AURKA: variants seen among roughly 807,000 people sequenced by gnomAD.
AURKA encodes aurora 2.
AURKA carries 12 observed loss-of-function variants against 40.9 expected under a neutral mutation model. That is an observed-to-expected ratio of 0.29 (90% CI 0.19 to 0.48). AURKA has a LOEUF of 0.48. Ranked by LOEUF, AURKA falls within the 20% of genes least tolerant of loss-of-function variation. The probability of loss-of-function intolerance (pLI) is 0.99; values close to 1 mark genes in which losing one functional copy is unlikely to be tolerated. For missense variants in AURKA, 322 were observed against 462.1 expected (o/e 0.70, Z 2.78); for synonymous variants, 170 against 164.3 (o/e 1.03, Z -0.26).
chr20:56,387,725 C>T (rs927908479), intron 2 of AURKA, among the ~76,000 whole-genome samples: 2 of 152,182 alleles, frequency 1.3e-5, no homozygotes, highest in East Asian at 1.9e-4. Flanking sequence ...CTGTCCACAA[C>T]GCAGCAGGCA....
chr20:56,371,726 G>T (rs995305957), intron 7 of AURKA, among the ~76,000 whole-genome samples: 4 of 151,794 alleles, frequency 2.6e-5, no homozygotes, highest in African/African-American at 9.7e-5. Context: ...GTTGAGTTCT[G>T]ATTTTACAAA....
chr20:56,373,422 A>G lies in AURKA; in HGVS notation c.840T>C (p.His280=), dbSNP rs780155642. Residue 280 remains histidine, a synonymous_variant, in exon 7 of 9, where the codon CAT becomes CAC. Transcript: ENST00000395915. This position sits in a 1 kb window ranked among gnomAD's most constrained non-coding sequence, Gnocchi z 5.0. ...AAGTTACATACCTGGAAGATGGAGC[A>G]TGTACTGACCACCCAAAATCTGCAA... is the stretch of plus-strand genomic sequence containing the variant. The part of the protein sequence containing the change: ...LKIADFGWSV[H]APSSRRTTLC... 6.2e-7 allele frequency: 1 copy of G among 1,613,778 alleles called. No homozygotes were observed. Among genetic ancestry groups the G allele is most frequent in the Non-Finnish European group, 8.5e-7 (1 of 1,180,032 alleles).
At chr20:56,387,546 G>A (rs1390555091) in intron 2 of AURKA, among the ~76,000 whole-genome samples, 1 of 152,176 alleles carries the variant, frequency 6.6e-6, no homozygotes, top group East Asian at 1.9e-4. Flanking sequence ...ACTAAAAGGG[G>A]TAGGAGGGAT....
intron 2 of AURKA, 146 bp from the exon 3 acceptor site, chr20:56,386,679 G>C (rs1986422337): frequency 2.2e-6 from 2 of 895,484 alleles, no homozygotes; most frequent in Admixed American, 2.2e-5. Context: ...ATTTTAATCA[G>C]TACCTCCAGA....
chr20:56,390,991 AC>A (rs1308318035), intron 1 of AURKA, among the ~76,000 whole-genome samples: 7 of 152,130 alleles, frequency 4.6e-5, no homozygotes, highest in African/African-American at 1.7e-4. Flanking sequence ...AAATTGAATA[AC>A]AAGCAGAATG....
intron 4 of AURKA, 43 bp from the exon 5 acceptor site, chr20:56,383,219 CT>C: frequency 6.2e-7 from 1 of 1,602,016 alleles, no homozygotes; most frequent in Non-Finnish European, 8.5e-7. Context: ...GAAAACAAAG[CT>C]TTTCTAACAA....
rs1391619965 is a variant in AURKA, at chr20:56,386,513, A to C, written c.63T>G (p.Gly21=). The C allele has an allele frequency of 3.1e-6, 5 of 1,614,070 alleles. No homozygotes were observed. The highest frequency in any genetic ancestry group is 4.2e-6 in the Non-Finnish European group (5 of 1,180,038). ...GCTGAGTCACGAGAACACGTTTTGG[A>C]CCTCCAACTGGAGCTGTAGCCTAGA... is the stretch of plus-strand genomic sequence containing the variant. ...GPVKATAPVG[G]PKRVLVTQQF... The change falls in exon 3 of 9, where the codon GGT becomes GGG. Residue 21 remains glycine, a synonymous_variant. Coordinates refer to ENST00000395915, the MANE Select transcript of AURKA (RefSeq NM_198437.3).
intron 7 of AURKA, among the ~76,000 whole-genome samples, chr20:56,371,198 C>T (rs948898041): frequency 3.3e-5 from 5 of 152,122 alleles, no homozygotes; most frequent in South Asian, 2.1e-4. Context: ...TGCAGTGGCT[C>T]ATGCCTGTAA....
intron 2 of AURKA, 104 bp from the exon 3 acceptor site, chr20:56,386,637 T>C (rs576691592): frequency 2.3e-6 from 3 of 1,286,592 alleles, no homozygotes; most frequent in African/African-American, 1.5e-5. Flanking sequence ...AAATAATGAA[T>C]GTCACTGATA....
At chr20:56,384,361 A>G in intron 3 of AURKA, 37 bp from the exon 4 acceptor site, 1 of 1,466,540 alleles carries the variant, frequency 6.8e-7, no homozygotes, top group Non-Finnish European at 9.5e-7. Context: ...TTTTAGAATA[A>G]CTATATAGGA....
At chr20:56,388,641 G>A (rs113074601) in intron 1 of AURKA, 9 of 195,634 alleles carry the variant, frequency 4.6e-5, no homozygotes, top group South Asian at 1.1e-4. Flanking sequence ...GTGAAACCCC[G>A]TCTCTACTAA....
At chr20:56,388,807 C>A (rs114438141) in intron 1 of AURKA, 1 of 153,744 alleles carries the variant, frequency 6.5e-6, no homozygotes, top group Non-Finnish European at 1.4e-5. Flanking sequence ...AGCGAGACTT[C>A]GTCTCAAAAC....
Position 56,370,177 on chromosome 20 carries a change from G to A in AURKA, c.1193C>T (p.Ser398Leu), listed in dbSNP as rs775906971. Residue 398 changes from serine to leucine, a missense_variant, in exon 9 of 9, where the codon TCA becomes TTA. Ser to Leu is a moderately radical substitution (Grantham distance 145). Transcript: ENST00000395915. ...CGATTCCTAAGACTGTTTGCTAGCT[G>A]ATTCTTTGTTTTGGCAATTTGATGG... is the stretch of plus-strand genomic sequence containing the variant. ...SKPSNCQNKE[S>L]ASKQS The A allele has an allele frequency of 1.2e-6, 2 of 1,612,914 alleles. No individual in the cohort carries two copies. The highest frequency in any genetic ancestry group is 1.7e-6 in the Non-Finnish European group (2 of 1,180,010).
At chr20:56,385,039 CAATT>C (rs1288017966) in intron 3 of AURKA, among the ~76,000 whole-genome samples, 5 of 152,200 alleles carry the variant, frequency 3.3e-5, no homozygotes, top group African/African-American at 1.2e-4. Flanking sequence ...GACACTCACT[CAATT>C]AATATCAATC....
At position 56,381,453 on chromosome 20, in the gene AURKA, C is replaced by A; in HGVS notation, c.685G>T (p.Asp229Tyr). 1.2e-6 allele frequency: 2 copies of A among 1,613,280 alleles called. No individual in the cohort carries two copies. Among genetic ancestry groups the A allele is most frequent in the South Asian group, 2.2e-5 (2 of 91,022 alleles). The change falls in exon 6 of 9, where the codon GAT becomes TAT. Residue 229 changes from aspartate to tyrosine, a missense_variant. Transcript: ENST00000395915. ...CTTACAGTAGCAGTTCTCTGCTCAT[C>A]AAACTTTGAAAGTTTCTGAAGTTCT... is the stretch of plus-strand genomic sequence containing the variant. ...YRELQKLSKF[D>Y]EQRTATYITE...
intron 7 of AURKA, among the ~76,000 whole-genome samples, chr20:56,371,638 A>C (rs1179629025): frequency 1.3e-5 from 2 of 148,374 alleles, no homozygotes; most frequent in African/African-American, 2.6e-5. Context: ...AACCACAGAG[A>C]CAGTCCAACC....
Position 56,381,659 on chromosome 20 carries a change from C to T in AURKA, c.567-88G>A, listed in dbSNP as rs1454806118. ...TGTCAAACAAACTCTTCATGTAAAA[C>T]CAGTGGTGTTTCACATGAAACCACA... On this transcript the variant is annotated intron_variant, in intron 5 of 8. Transcript: ENST00000395915. The T allele has an allele frequency of 3.9e-6, 6 of 1,541,408 alleles. No individual in the cohort carries two copies. The East Asian group carries it at 6.8e-5, about 18-fold the overall frequency.
chr20:56,384,892 CAT>C (rs1464617634), intron 3 of AURKA, among the ~76,000 whole-genome samples: 1 of 152,154 alleles, frequency 6.6e-6, no homozygotes, highest in Non-Finnish European at 1.5e-5. Flanking sequence ...GCCACAAGGA[CAT>C]ATGAAACATT....
intron 2 of AURKA, among the ~76,000 whole-genome samples, chr20:56,386,811 T>C (rs1217328542): frequency 6.6e-6 from 1 of 152,176 alleles, no homozygotes; most frequent in Non-Finnish European, 1.5e-5. Flanking sequence ...TTTCTAAAAT[T>C]TCTCAATAAT....
Sources: gnomAD v4.1 joint callset for allele counts (sites outside exome capture counted in the v4.1 genomes callset) on GRCh38, gnomAD v4.1.1 for gene constraint, Gnocchi (gnomAD v3.1) non-coding constraint, MANE v1.5 for transcripts, NCBI Gene and HGNC (gene_info 2026-07-23, HGNC 2026-07-21) for gene names.